OR1J2: variants seen among roughly 807,000 people sequenced by gnomAD.
OR1J2 encodes the protein olfactory receptor family 1 subfamily J member 2, also known as olfactory receptor 1J2.
For missense variants in OR1J2, 304 were observed against 246.1 expected (o/e 1.24, Z -1.57); for synonymous variants, 142 against 99.7 (o/e 1.42, Z -2.52).
At chr9:122,477,669 C>G in the OR1J2 span, 5 of 1,614,190 alleles carry the variant, frequency 3.1e-6, no homozygotes, top group Non-Finnish European at 2.5e-6. Flanking sequence ...GGTGCTGAGT[C>G]TGCATGTTCA....
At chr9:122,481,686 C>T in the OR1J2 span, among the ~76,000 whole-genome samples, 3 of 152,162 alleles carry the variant, frequency 2.0e-5, no homozygotes, top group Admixed American at 6.5e-5. Context: ...TAAAAATATA[C>T]ATGAAGACAC....
chr9:122,574,815 A>T, the OR1J2 span, among the ~76,000 whole-genome samples: 1 of 152,120 alleles, frequency 6.6e-6, no homozygotes, highest in East Asian at 1.9e-4. Context: ...GTATAATGTT[A>T]GTTGTAGGAT....
the OR1J2 span, among the ~76,000 whole-genome samples, chr9:122,472,104 C>T: frequency 6.6e-6 from 1 of 152,200 alleles, no homozygotes. Context: ...AACATTTTAA[C>T]CTCCCTAATG....
chr9:122,523,717 A>C, the OR1J2 span, among the ~76,000 whole-genome samples: 4 of 152,216 alleles, frequency 2.6e-5, no homozygotes, highest in African/African-American at 7.2e-5. Flanking sequence ...ATGGAAGACT[A>C]GGCACCTTAA....
chr9:122,563,268 TTTTTAAA>T, the OR1J2 span, among the ~76,000 whole-genome samples: 1 of 152,190 alleles, frequency 6.6e-6, no homozygotes, highest in Non-Finnish European at 1.5e-5. Context: ...TTTGTTTTTA[TTTTTAAA>T]TTTTATGGAT....
chr9:122,452,040 G>A, the OR1J2 span, among the ~76,000 whole-genome samples: 3 of 152,160 alleles, frequency 2.0e-5, no homozygotes, highest in South Asian at 2.1e-4. Flanking sequence ...CACCACGCCC[G>A]GCTAATTTTT....
chr9:122,483,814 G>A, the OR1J2 span, among the ~76,000 whole-genome samples: 1 of 152,068 alleles, frequency 6.6e-6, no homozygotes, highest in Non-Finnish European at 1.5e-5. Flanking sequence ...AAGTAATTAA[G>A]GTATTTCTCT....
At chr9:122,494,111 A>T in the OR1J2 span, among the ~76,000 whole-genome samples, 5 of 152,114 alleles carry the variant, frequency 3.3e-5, no homozygotes, top group Non-Finnish European at 7.4e-5. Flanking sequence ...TGTATGGTCT[A>T]TTGGGAGAAT....
the OR1J2 span, among the ~76,000 whole-genome samples, chr9:122,452,705 G>A: frequency 5.9e-5 from 9 of 152,078 alleles, no homozygotes; most frequent in Admixed American, 1.3e-4. Flanking sequence ...TGGGTCATGG[G>A]GGTGTGTTCT....
At chr9:122,563,498 T>C in the OR1J2 span, among the ~76,000 whole-genome samples, 1 of 152,202 alleles carries the variant, frequency 6.6e-6, no homozygotes, top group Admixed American at 6.5e-5. Context: ...GTTTCTTATA[T>C]ATTCCACATA....
At chr9:122,571,192 G>T in the OR1J2 span, among the ~76,000 whole-genome samples, 1 of 152,090 alleles carries the variant, frequency 6.6e-6, no homozygotes, top group Non-Finnish European at 1.5e-5. Context: ...CTTTCTGTGT[G>T]GTACAGATGG....
chr9:122,489,570 A>C, the OR1J2 span, among the ~76,000 whole-genome samples: 1 of 152,156 alleles, frequency 6.6e-6, no homozygotes, highest in Non-Finnish European at 1.5e-5. Flanking sequence ...GGCTCAAGGA[A>C]CACAAAAAGA....
At chr9:122,533,158 AT>A in the OR1J2 span, among the ~76,000 whole-genome samples, 4 of 152,084 alleles carry the variant, frequency 2.6e-5, no homozygotes, top group Non-Finnish European at 5.9e-5. Context: ...AGAGGGAGGT[AT>A]TGAGGATAGG....
At chr9:122,565,650 A>G in the OR1J2 span, among the ~76,000 whole-genome samples, 1 of 152,236 alleles carries the variant, frequency 6.6e-6, no homozygotes, top group Non-Finnish European at 1.5e-5. Flanking sequence ...GTCATAGAAG[A>G]AGTATGGATC....
chr9:122,574,407 CTTATT>C, the OR1J2 span, among the ~76,000 whole-genome samples: 6 of 151,974 alleles, frequency 3.9e-5, no homozygotes, highest in South Asian at 1.0e-3. Flanking sequence ...TCATCTTGTA[CTTATT>C]TTGTTAGATT....
At chr9:122,545,167 T>G in the OR1J2 span, among the ~76,000 whole-genome samples, 1 of 152,018 alleles carries the variant, frequency 6.6e-6, no homozygotes, top group Admixed American at 6.5e-5. Context: ...TGATTTATAA[T>G]TTCATCTTAG....
At chr9:122,498,743 C>T in the OR1J2 span, among the ~76,000 whole-genome samples, 1 of 152,162 alleles carries the variant, frequency 6.6e-6, no homozygotes, top group Non-Finnish European at 1.5e-5. Flanking sequence ...TCCTTTTCAT[C>T]TGGAGATGCT....
At chr9:122,527,388 A>G in the OR1J2 span, 2 of 680,678 alleles carry the variant, frequency 2.9e-6, no homozygotes, top group Non-Finnish European at 2.5e-6. Context: ...CTTTAAGTTC[A>G]TTATATTCCT....
chr9:122,519,362 A>T, the OR1J2 span: 2 of 1,614,018 alleles, frequency 1.2e-6, no homozygotes, highest in Non-Finnish European at 1.7e-6. Flanking sequence ...TCTCCCTTTC[A>T]TCTGTCACTG....
Sources: allele counts gnomAD v4.1 joint callset (sites outside exome capture counted in the v4.1 genomes callset), GRCh38; gene constraint gnomAD v4.1.1; transcripts MANE v1.5; gene names NCBI Gene and HGNC (gene_info 2026-07-23, HGNC 2026-07-21).